Variants in CNTNAP2 observed in about 807,000 individuals in gnomAD.
CNTNAP2 encodes contactin associated protein 2, also known as contactin-associated protein-like 2.
Under a neutral mutation model 155.2 loss-of-function variants are expected in CNTNAP2, and 98 were observed. The observed-to-expected ratio is 0.63, with a 90% CI of 0.54 to 0.75. CNTNAP2 has a LOEUF of 0.75. Ranked by LOEUF, CNTNAP2 falls within the 30% of genes least tolerant of loss-of-function variation. The pLI is 0.00. For synonymous variants in CNTNAP2, 651 were observed against 631.2 expected (o/e 1.03, Z -0.47); for missense variants, 1,727 against 1,688.1 (o/e 1.02, Z -0.40).
intron 1 of CNTNAP2, among the ~76,000 whole-genome samples, chr7:146,256,841 AT>A (rs1418492491): frequency 6.6e-6 from 1 of 152,210 alleles, no homozygotes; most frequent in African/African-American, 2.4e-5. Flanking sequence ...AATCAAAAAA[AT>A]AAACAGTAAG....
At chr7:146,935,587 C>T (rs948037465) in intron 3 of CNTNAP2, among the ~76,000 whole-genome samples, 1 of 152,190 alleles carries the variant, frequency 6.6e-6, no homozygotes, top group Non-Finnish European at 1.5e-5. Flanking sequence ...ATGTATCCCT[C>T]ATGATAAGCT....
chr7:147,454,775 A>G, intron 10 of CNTNAP2, among the ~76,000 whole-genome samples: 1 of 152,052 alleles, frequency 6.6e-6, no homozygotes, highest in East Asian at 1.9e-4. Flanking sequence ...TTTTAATAAA[A>G]GTCCTGCAGC....
At chr7:147,572,273 A>C (rs1294435432) in intron 12 of CNTNAP2, among the ~76,000 whole-genome samples, 1 of 152,198 alleles carries the variant, frequency 6.6e-6, no homozygotes, top group African/African-American at 2.4e-5. Flanking sequence ...ATACTATAGA[A>C]GTTCTCAAAT....
At chr7:146,947,994 C>A (rs1797226856) in intron 3 of CNTNAP2, among the ~76,000 whole-genome samples, 1 of 151,982 alleles carries the variant, frequency 6.6e-6, no homozygotes, top group African/African-American at 2.4e-5. Flanking sequence ...ACAAATTTTT[C>A]TCACCTTATA....
intron 5 of CNTNAP2, among the ~76,000 whole-genome samples, chr7:147,119,205 T>G (rs1440833861): frequency 6.6e-6 from 1 of 152,190 alleles, no homozygotes; most frequent in African/African-American, 2.4e-5. Flanking sequence ...AACTTTTCAT[T>G]TTTTATCCCA....
chr7:147,458,757 G>C (rs775418231), intron 10 of CNTNAP2, among the ~76,000 whole-genome samples: 1 of 152,158 alleles, frequency 6.6e-6, no homozygotes, highest in Non-Finnish European at 1.5e-5. Context: ...AGATTTCCTA[G>C]TATCAATATA....
At chr7:147,597,993 G>T (rs1052537126) in intron 12 of CNTNAP2, among the ~76,000 whole-genome samples, 8 of 152,148 alleles carry the variant, frequency 5.3e-5, no homozygotes, top group African/African-American at 9.7e-5. Context: ...CACTGGGGTT[G>T]CTGGGACCAC....
chr7:146,716,472 A>T (rs911626235), intron 1 of CNTNAP2, among the ~76,000 whole-genome samples: 3 of 152,180 alleles, frequency 2.0e-5, no homozygotes, highest in Admixed American at 6.5e-5. Context: ...GTGTTTCTAA[A>T]AGGCAGGTTG....
chr7:148,205,615 G>C (rs1014180913), intron 18 of CNTNAP2, among the ~76,000 whole-genome samples: 2 of 152,094 alleles, frequency 1.3e-5, no homozygotes, highest in Admixed American at 1.3e-4. Context: ...TTAATAAACT[G>C]CTGTTTTAAT....
chr7:147,960,240 T>C (rs1442899703), intron 14 of CNTNAP2, among the ~76,000 whole-genome samples: 1 of 152,078 alleles, frequency 6.6e-6, no homozygotes, highest in Non-Finnish European at 1.5e-5. Flanking sequence ...TATGGAGGGC[T>C]AGGAGAGGTA....
intron 2 of CNTNAP2, among the ~76,000 whole-genome samples, chr7:146,826,117 A>T (rs1390474344): frequency 6.6e-6 from 1 of 152,150 alleles, no homozygotes; most frequent in Admixed American, 6.6e-5. Context: ...GGCAGATGGC[A>T]TGGAGATGTT....
intron 1 of CNTNAP2, among the ~76,000 whole-genome samples, chr7:146,398,932 G>A (rs887018681): frequency 1.3e-5 from 2 of 151,848 alleles, no homozygotes; most frequent in Non-Finnish European, 2.9e-5. Context: ...TTTCAATCCT[G>A]TCATAATAAC....
chr7:146,416,716 C>T (rs2129112413), intron 1 of CNTNAP2, among the ~76,000 whole-genome samples: 1 of 152,214 alleles, frequency 6.6e-6, no homozygotes, highest in Non-Finnish European at 1.5e-5. Context: ...GTGGTTAACT[C>T]TGCTTATCAG....
Position 147,933,326 on chromosome 7 carries a change from A to G in CNTNAP2, c.2255+29605A>G, listed in dbSNP as rs200006036. On this transcript the variant is annotated intron_variant, in intron 14 of 23. Transcript: ENST00000361727. The stretch of plus-strand genomic sequence containing the variant: ...TTAATAAGTCCACTTCTGGCCATTT[A>G]CTCCCCCAAAATTAAAATTAGAATC... Among the ~76,000 whole-genome samples the G allele has an allele frequency of 1.6e-4, 25 of 152,090 alleles. No homozygotes were observed. In the East Asian group the frequency reaches 2.3e-3, roughly 14 times the overall value.
intron 2 of CNTNAP2, among the ~76,000 whole-genome samples, chr7:146,837,123 A>G (rs1350505282): frequency 6.6e-6 from 1 of 152,070 alleles, no homozygotes; most frequent in Non-Finnish European, 1.5e-5. Flanking sequence ...TATTTCAACC[A>G]TTATTTCTTC....
At chr7:147,800,661 A>G (rs1797969261) in intron 13 of CNTNAP2, among the ~76,000 whole-genome samples, 1 of 152,182 alleles carries the variant, frequency 6.6e-6, no homozygotes, top group South Asian at 2.1e-4. Flanking sequence ...GACTGAAATC[A>G]TTGTGGGCTT....
At chr7:146,540,530 G>T (rs575772383) in intron 1 of CNTNAP2, among the ~76,000 whole-genome samples, 13 of 152,168 alleles carry the variant, frequency 8.5e-5, no homozygotes, top group African/African-American at 3.1e-4. Context: ...ATGCAAGACT[G>T]CAGAAGTTAC....
In CNTNAP2 at chr7:147,903,534, T is replaced by A. The variant is rs200049837; in HGVS notation, c.2099-31T>A. On this transcript the variant is annotated intron_variant, in intron 13 of 23. Transcript: ENST00000361727. ...AGTCTAATGACTGAACCCAGGTCTG[T>A]TTCTAAATATACCTTTGCCTTTTCT... The A allele has an allele frequency of 8.1e-6, 13 of 1,613,876 alleles. No individual in the cohort carries two copies. The Admixed American group carries it at 1.7e-4, about 21-fold the overall frequency.
intron 8 of CNTNAP2, among the ~76,000 whole-genome samples, chr7:147,272,724 C>T (rs532902527): frequency 6.7e-6 from 1 of 149,826 alleles, no homozygotes; most frequent in East Asian, 2.0e-4. Context: ...AGCCAGGATG[C>T]TCTCGATCTC....
Sources: allele counts gnomAD v4.1 joint callset (sites outside exome capture counted in the v4.1 genomes callset), GRCh38; gene constraint gnomAD v4.1.1; transcripts MANE v1.5; gene names NCBI Gene and HGNC (gene_info 2026-07-23, HGNC 2026-07-21).